GRID2: variants seen among roughly 807,000 people sequenced by gnomAD.
GRID2 encodes glutamate ionotropic receptor delta type subunit 2, also known as glutamate receptor ionotropic, delta-2.
In GRID2, 33 loss-of-function variants were observed where a neutral mutation model predicts 114.8. The observed-to-expected ratio is 0.29, with a 90% CI of 0.22 to 0.38. The LOEUF is 0.38. GRID2 is among the 10% of genes least tolerant of loss of function. The pLI, the probability that GRID2 is intolerant of heterozygous loss-of-function variation, is 1.00. For synonymous variants in GRID2, 505 were observed against 449.9 expected, an observed-to-expected ratio of 1.12 and a Z score of -1.55; for missense variants, 1,184 against 1,257.7, an observed-to-expected ratio of 0.94 and a Z score of 0.89.
At chr4:92,706,942 C>A (rs925812523) in intron 2 of GRID2, among the ~76,000 whole-genome samples, 3 of 151,998 alleles carry the variant, frequency 2.0e-5, no homozygotes, top group Admixed American at 2.0e-4. Flanking sequence ...GTCACCAATT[C>A]GACATACTAT....
chr4:92,730,912 A>G (rs1736300130), intron 2 of GRID2, among the ~76,000 whole-genome samples: 1 of 152,010 alleles, frequency 6.6e-6, no homozygotes, highest in South Asian at 2.1e-4. Context: ...GGTGGGTTTG[A>G]ATACTAATAT....
Position 93,769,433 on chromosome 4 carries a change from C to T in GRID2, c.2584C>T (p.Arg862Trp), listed in dbSNP as rs546774770. 18 of 1,613,822 alleles carry T rather than the reference C, an allele frequency of 1.1e-5. No individual in the cohort carries two copies. In the East Asian group the frequency reaches 1.3e-4, roughly 12 times the overall value. Reference sequence around the variant, plus strand: ...GTGGTGGAACAAGAGGAAAGGCTCCCGGGTTCCATCAAAAGAGGTACTTGA... The same window carrying T: ...GTGGTGGAACAAGAGGAAAGGCTCCTGGGTTCCATCAAAAGAGGTACTTGA... ...ETWWNKRKGS[R>W]VPSKEDDKEI... is the part of the protein sequence containing the mutation. Residue 862 changes from arginine (R) to tryptophan (W), a missense_variant, in exon 15 of 16, where the codon CGG (arginine) becomes TGG (tryptophan). Transcript: ENST00000282020.
chr4:93,663,894 A>T (rs115251160), intron 14 of GRID2, among the ~76,000 whole-genome samples: 1,957 of 152,330 alleles, frequency 0.013, 25 homozygotes, highest in Non-Finnish European at 0.018. Context: ...CATCTTTCTC[A>T]TACATCACCT....
At chr4:93,560,236 A>C (rs1052987161) in intron 13 of GRID2, among the ~76,000 whole-genome samples, 3 of 149,650 alleles carry the variant, frequency 2.0e-5, no homozygotes, top group Non-Finnish European at 4.5e-5. Context: ...AAAAAAAAAA[A>C]AAAAAAAAAA....
chr4:92,626,736 C>G (rs1480461472), intron 2 of GRID2, among the ~76,000 whole-genome samples: 1 of 151,986 alleles, frequency 6.6e-6, no homozygotes. Context: ...ATGATTCTCA[C>G]AGAGAAGATA....
chr4:92,583,040 G>T (rs1728256473), intron 1 of GRID2, among the ~76,000 whole-genome samples: 1 of 151,860 alleles, frequency 6.6e-6, no homozygotes, highest in Non-Finnish European at 1.5e-5. Flanking sequence ...TTCTTATCTG[G>T]AAATTTGTTT....
chr4:92,331,250 T>A (rs1726872418), intron 1 of GRID2, among the ~76,000 whole-genome samples: 1 of 152,204 alleles, frequency 6.6e-6, no homozygotes, highest in Non-Finnish European at 1.5e-5. Flanking sequence ...TATATTATTT[T>A]TAAGTAGAAA....
intron 2 of GRID2, among the ~76,000 whole-genome samples, chr4:92,834,376 T>C (rs1012508391): frequency 4.6e-5 from 7 of 152,208 alleles, no homozygotes; most frequent in Non-Finnish European, 1.0e-4. Flanking sequence ...TTTTGCTTTT[T>C]ATTCATTTAA....
At chr4:93,713,375 T>A (rs954131489) in intron 14 of GRID2, among the ~76,000 whole-genome samples, 3 of 151,786 alleles carry the variant, frequency 2.0e-5, no homozygotes, top group African/African-American at 7.3e-5. Context: ...TTTAAAAAAA[T>A]AGTTGGGGAG....
At chr4:93,154,975 A>G (rs1013105173) in intron 4 of GRID2, among the ~76,000 whole-genome samples, 19 of 151,828 alleles carry the variant, frequency 1.3e-4, no homozygotes, top group African/African-American at 4.4e-4. Context: ...TCAGTTCAGT[A>G]TTTTAACATT....
At chr4:92,966,317 T>C (rs1753152991) in intron 2 of GRID2, among the ~76,000 whole-genome samples, 1 of 151,898 alleles carries the variant, frequency 6.6e-6, no homozygotes, top group African/African-American at 2.4e-5. Flanking sequence ...CAGGAGTTCA[T>C]GTGAGGGGTC....
chr4:92,314,167 G>A (rs1249470559), intron 1 of GRID2, among the ~76,000 whole-genome samples: 1 of 151,882 alleles, frequency 6.6e-6, no homozygotes, highest in Admixed American at 6.6e-5. Flanking sequence ...ATTAACCTGA[G>A]AGACAAGTTT....
intron 2 of GRID2, among the ~76,000 whole-genome samples, chr4:93,000,710 G>A (rs1221850805): frequency 1.4e-5 from 2 of 147,606 alleles, no homozygotes; most frequent in Non-Finnish European, 3.0e-5. Context: ...ACCATAATAA[G>A]TATGTCAAGT....
chr4:92,784,086 A>G (rs1739211163), intron 2 of GRID2, among the ~76,000 whole-genome samples: 1 of 151,972 alleles, frequency 6.6e-6, no homozygotes, highest in Admixed American at 6.6e-5. Context: ...TTTTGTTTTT[A>G]TGATGATATC....
intron 14 of GRID2, among the ~76,000 whole-genome samples, chr4:93,721,696 T>C (rs1451273150): frequency 1.3e-5 from 2 of 152,196 alleles, no homozygotes; most frequent in Non-Finnish European, 2.9e-5. Flanking sequence ...CAATAAAAGT[T>C]AGTTGCTGTT....
chr4:93,341,892 A>G (rs1487010537), intron 8 of GRID2, among the ~76,000 whole-genome samples: 1 of 152,194 alleles, frequency 6.6e-6, no homozygotes, highest in Non-Finnish European at 1.5e-5. Context: ...TTATTCTTCT[A>G]AATATATTTT....
chr4:93,113,802 A>G (rs1393413246), intron 4 of GRID2, among the ~76,000 whole-genome samples: 3 of 152,098 alleles, frequency 2.0e-5, no homozygotes, highest in Non-Finnish European at 2.9e-5. Flanking sequence ...GTGCTTCTTG[A>G]GTTGAGCGTT....
At chr4:93,024,811 A>C (rs1363275925) in intron 2 of GRID2, among the ~76,000 whole-genome samples, 2 of 151,776 alleles carry the variant, frequency 1.3e-5, no homozygotes, top group African/African-American at 4.8e-5. Context: ...ACTGAAACAA[A>C]ATTATAAAGA....
intron 8 of GRID2, among the ~76,000 whole-genome samples, chr4:93,246,782 A>G (rs1468778000): frequency 2.0e-5 from 3 of 152,156 alleles, no homozygotes; most frequent in African/African-American, 7.2e-5. Context: ...ATGGATATGC[A>G]GTCTAATACT....
Sources: gnomAD v4.1 joint callset for allele counts (sites outside exome capture counted in the v4.1 genomes callset) on GRCh38, gnomAD v4.1.1 for gene constraint, MANE v1.5 for transcripts, NCBI Gene and HGNC (gene_info 2026-07-23, HGNC 2026-07-21) for gene names.